GLDC: variants seen among roughly 807,000 people sequenced by gnomAD.
GLDC encodes the protein glycine dehydrogenase (decarboxylating), mitochondrial.
In GLDC, 104 loss-of-function variants were observed where a neutral mutation model predicts 121.3. The ratio of observed to expected loss-of-function variants is 0.86; its 90% CI spans 0.73 to 1.01. The LOEUF (loss-of-function observed/expected upper bound fraction) is 1.01. GLDC is among the 50% of genes least tolerant of loss of function. GLDC has a pLI of 0.00. For synonymous variants in GLDC, 546 were observed against 480.6 expected, an observed-to-expected ratio of 1.14 and a Z score of -1.78; for missense variants, 1,429 against 1,306.6, an observed-to-expected ratio of 1.09 and a Z score of -1.44.
chr9:6,608,735 G>C (rs1320620103), intron 4 of GLDC, among the ~76,000 whole-genome samples: 1 of 151,930 alleles, frequency 6.6e-6, no homozygotes, highest in Non-Finnish European at 1.5e-5. Context: ...GAAAGAGCGA[G>C]ACTCCGTCTC....
chr9:6,547,059 T>C (rs1817409536), intron 21 of GLDC, among the ~76,000 whole-genome samples: 1 of 152,104 alleles, frequency 6.6e-6, no homozygotes, highest in Admixed American at 6.6e-5. Context: ...AGGTACTATA[T>C]ATTAAATGTA....
intron 22 of GLDC, 122 bp from the exon 23 acceptor site, chr9:6,536,358 G>A (rs1817130708): frequency 1.1e-6 from 1 of 873,756 alleles, no homozygotes; most frequent in Non-Finnish European, 1.9e-6. Flanking sequence ...ATTTGCAAAT[G>A]TATGTATGTG....
chr9:6,561,958 A>T (rs1817767919), intron 16 of GLDC, among the ~76,000 whole-genome samples: 1 of 152,212 alleles, frequency 6.6e-6, no homozygotes, highest in Non-Finnish European at 1.5e-5. Flanking sequence ...ATATTCCCAT[A>T]CAGGTTTTGA....
intron 16 of GLDC, among the ~76,000 whole-genome samples, chr9:6,564,093 C>T (rs1283614949): frequency 2.0e-5 from 3 of 151,882 alleles, no homozygotes; most frequent in Admixed American, 6.6e-5. Flanking sequence ...ACTAAAAATA[C>T]AAAAATTAGC....
rs898444750 is a variant in GLDC, at chr9:6,589,199, T to G, written c.1576A>C (p.Asn526His). 3 of 1,584,854 alleles carry G rather than the reference T, an allele frequency of 1.9e-6. No homozygotes were observed. Among genetic ancestry groups the G allele is most frequent in the Admixed American group, 3.3e-5 (2 of 59,988 alleles). ...TSPFLTHQVF[N>H]SYHSETNIVR... is the part of the protein sequence containing the mutation. ...AGTCACACAAGACACACAAACCTGT[T>G]GAACACTTGATGGGTGAGGAACGGG... is the stretch of plus-strand genomic sequence containing the variant. Residue 526 changes from asparagine (N) to histidine (H), a missense_variant, in exon 12 of 25, where the codon AAC becomes CAC. Coordinates refer to ENST00000321612, the MANE Select transcript of GLDC (RefSeq NM_000170.3).
intron 2 of GLDC, among the ~76,000 whole-genome samples, chr9:6,641,496 C>A (rs561385275): frequency 6.6e-6 from 1 of 152,338 alleles, no homozygotes; most frequent in African/African-American, 2.4e-5. Flanking sequence ...GAAGAGAGAG[C>A]AAAGTAGTGG....
chr9:6,607,842 G>T (rs954789326), intron 4 of GLDC, among the ~76,000 whole-genome samples: 1 of 151,814 alleles, frequency 6.6e-6, no homozygotes, highest in Non-Finnish European at 1.5e-5. Context: ...AATAAAATTG[G>T]CCGGTCATGG....
At chr9:6,540,494 A>C (rs527325280) in intron 21 of GLDC, 2 of 337,434 alleles carry the variant, frequency 5.9e-6, no homozygotes, top group African/African-American at 4.2e-5. Flanking sequence ...ATCTACTTGC[A>C]ACAGTTAAAT....
At chr9:6,535,798 T>C in intron 23 of GLDC, 1 of 493,914 alleles carries the variant, frequency 2.0e-6, no homozygotes, top group Non-Finnish European at 3.7e-6. Flanking sequence ...CTCACTACAG[T>C]ACATCAAACA....
At chr9:6,598,589 C>T (rs957408669) in intron 8 of GLDC, among the ~76,000 whole-genome samples, 14 of 152,164 alleles carry the variant, frequency 9.2e-5, no homozygotes, top group Admixed American at 8.5e-4. Context: ...ACAAAAGGAA[C>T]AACTCAAAAG....
At chr9:6,601,739 C>A (rs145009323) in intron 8 of GLDC, among the ~76,000 whole-genome samples, 1 of 152,224 alleles carries the variant, frequency 6.6e-6, no homozygotes, top group African/African-American at 2.4e-5. Flanking sequence ...ATCCTCCCAC[C>A]TGAGCCTCCC....
intron 15 of GLDC, among the ~76,000 whole-genome samples, chr9:6,576,934 A>G (rs1426166160): frequency 6.6e-6 from 1 of 152,232 alleles, no homozygotes; most frequent in Non-Finnish European, 1.5e-5. Context: ...GAAGCCACAT[A>G]ACAGAGCCTT....
chr9:6,579,413 C>A (rs2129805687), intron 15 of GLDC, among the ~76,000 whole-genome samples: 1 of 152,316 alleles, frequency 6.6e-6, no homozygotes, highest in African/African-American at 2.4e-5. Flanking sequence ...TTTTCCCTCA[C>A]AGCCTTAATC....
intron 5 of GLDC, 65 bp from the exon 6 acceptor site, chr9:6,605,343 T>G: frequency 2.6e-6 from 4 of 1,526,908 alleles, no homozygotes; most frequent in Non-Finnish European, 3.6e-6. Context: ...AATTAACGTT[T>G]CTTTTCCAGT....
chr9:6,559,524 A>C (rs1259332271), intron 16 of GLDC, among the ~76,000 whole-genome samples: 4 of 148,734 alleles, frequency 2.7e-5, no homozygotes, highest in African/African-American at 7.4e-5. Context: ...TTTAAAAAAA[A>C]AAAAAAAAAA....
intron 4 of GLDC, among the ~76,000 whole-genome samples, chr9:6,608,507 G>C (rs540491284): frequency 2.7e-5 from 4 of 150,546 alleles, no homozygotes; most frequent in African/African-American, 7.3e-5. Context: ...TTGGGAGGCC[G>C]AGGCGGGCGG....
intron 2 of GLDC, among the ~76,000 whole-genome samples, chr9:6,628,665 T>G (rs1972847): frequency 6.6e-6 from 1 of 151,926 alleles, no homozygotes; most frequent in Non-Finnish European, 1.5e-5. Flanking sequence ...TGCTTGAGCC[T>G]GGGAGGTGGA....
Position 6,554,680 on chromosome 9 carries a change from C to A in GLDC, c.2304G>T (p.Gly768=), listed in dbSNP as rs533775952. Residue 768 remains glycine (G), a synonymous_variant, in exon 19 of 25, where the codon GGG becomes GGT. Coordinates refer to ENST00000321612, the MANE Select transcript of GLDC (RefSeq NM_000170.3). ...IPHGGGGPGM[G]PIGVKKHLAP... is the part of the protein sequence containing the mutation. ...AGCCCAGAACTTACACTCCGATGGG[C>A]CCCATGCCAGGACCACCTCCTCCGT... is the stretch of plus-strand genomic sequence containing the variant. 1 of 1,609,822 alleles carries A rather than the reference C, an allele frequency of 6.2e-7. No homozygotes were observed. Among genetic ancestry groups the A allele is most frequent in the Non-Finnish European group, 8.5e-7 (1 of 1,177,876 alleles).
chr9:6,635,361 CA>C (rs1819480040), intron 2 of GLDC, among the ~76,000 whole-genome samples: 1 of 152,098 alleles, frequency 6.6e-6, no homozygotes, highest in African/African-American at 2.4e-5. Flanking sequence ...TAGCAAACAC[CA>C]ATCCAAAAAC....
Sources: gnomAD v4.1 joint callset for allele counts (sites outside exome capture counted in the v4.1 genomes callset) on GRCh38, gnomAD v4.1.1 for gene constraint, MANE v1.5 for transcripts, NCBI Gene and HGNC (gene_info 2026-07-23, HGNC 2026-07-21) for gene names.